ARB2A: variants seen among roughly 807,000 people sequenced by gnomAD.
ARB2A encodes cotranscriptional regulator ARB2A.
the ARB2A span, among the ~76,000 whole-genome samples, chr5:93,992,325 G>A: frequency 6.6e-6 from 1 of 151,986 alleles, no homozygotes; most frequent in Non-Finnish European, 1.5e-5. Flanking sequence ...GAGAGAAGTA[G>A]AAATACAATG....
the ARB2A span, among the ~76,000 whole-genome samples, chr5:93,760,040 C>T: frequency 6.6e-6 from 1 of 152,172 alleles, no homozygotes; most frequent in Non-Finnish European, 1.5e-5. Flanking sequence ...TGAAAGAATT[C>T]AGCAAAGTTT....
the ARB2A span, among the ~76,000 whole-genome samples, chr5:93,630,009 C>T: frequency 3.9e-5 from 6 of 152,170 alleles, no homozygotes; most frequent in South Asian, 4.1e-4. Flanking sequence ...AACTAATGAA[C>T]TTACGAGCTT....
chr5:93,618,317 T>C, the ARB2A span: 1 of 152,176 alleles, frequency 6.6e-6, no homozygotes, highest in South Asian at 2.1e-4. Flanking sequence ...TAATCTGGCC[T>C]TTAAGTTTCG....
chr5:93,701,007 A>T, the ARB2A span, among the ~76,000 whole-genome samples: 1 of 152,172 alleles, frequency 6.6e-6, no homozygotes, highest in Non-Finnish European at 1.5e-5. Flanking sequence ...CTGAAAAACA[A>T]GAGCAATGTA....
At chr5:93,739,526 T>A in the ARB2A span, 26 of 152,244 alleles carry the variant, frequency 1.7e-4, no homozygotes, top group Non-Finnish European at 3.1e-4. Context: ...ACTGATAGAA[T>A]TCTAGGACAA....
At chr5:94,045,164 C>A in the ARB2A span, among the ~76,000 whole-genome samples, 16 of 150,876 alleles carry the variant, frequency 1.1e-4, no homozygotes, top group African/African-American at 3.6e-4. Flanking sequence ...AGGAAGTTAC[C>A]CTATATGGTT....
chr5:94,043,771 T>C, the ARB2A span, among the ~76,000 whole-genome samples: 2 of 152,194 alleles, frequency 1.3e-5, no homozygotes, highest in Non-Finnish European at 1.5e-5. Context: ...TACAAATCCA[T>C]GGCTGGGCTC....
At chr5:94,086,242 C>G in the ARB2A span, among the ~76,000 whole-genome samples, 4 of 152,152 alleles carry the variant, frequency 2.6e-5, no homozygotes, top group Admixed American at 2.6e-4. Context: ...ACAATATGTT[C>G]TTTAAATAAG....
the ARB2A span, among the ~76,000 whole-genome samples, chr5:93,672,482 A>G: frequency 0.015 from 2,221 of 151,764 alleles, 26 homozygotes; most frequent in Non-Finnish European, 0.025. Context: ...GCTAATTTTT[A>G]TATTTTTAGT....
the ARB2A span, among the ~76,000 whole-genome samples, chr5:93,960,336 T>G: frequency 2.6e-5 from 4 of 152,122 alleles, no homozygotes; most frequent in Non-Finnish European, 5.9e-5. Flanking sequence ...TGACTACCAC[T>G]TTTAAAATTC....
the ARB2A span, chr5:93,781,933 T>C: frequency 2.0e-6 from 2 of 985,316 alleles, no homozygotes; most frequent in Non-Finnish European, 2.4e-6. Flanking sequence ...CTCTTCGTTA[T>C]TTCAAGGAGT....
At chr5:93,947,511 T>TTTATTA in the ARB2A span, among the ~76,000 whole-genome samples, 16 of 150,216 alleles carry the variant, frequency 1.1e-4, no homozygotes, top group African/African-American at 3.7e-4. Flanking sequence ...GTATCTTCTT[T>TTTATTA]TTATTATTAT....
the ARB2A span, among the ~76,000 whole-genome samples, chr5:94,012,193 G>A: frequency 2.0e-5 from 3 of 152,226 alleles, no homozygotes; most frequent in South Asian, 4.1e-4. Context: ...ACAAGGTCAG[G>A]AGATCAAGAC....
chr5:93,964,333 T>C, the ARB2A span: 1 of 646,190 alleles, frequency 1.5e-6, no homozygotes, highest in East Asian at 2.9e-5. Flanking sequence ...ATCAACACAA[T>C]AAACCCTAAC....
chr5:94,091,675 C>A, the ARB2A span, among the ~76,000 whole-genome samples: 147 of 152,244 alleles, frequency 9.7e-4, no homozygotes, highest in African/African-American at 3.4e-3. Flanking sequence ...GTGACTGGAA[C>A]TTCGTATTTT....
chr5:93,958,022 G>T, the ARB2A span, among the ~76,000 whole-genome samples: 1 of 151,580 alleles, frequency 6.6e-6, no homozygotes, highest in Non-Finnish European at 1.5e-5. Context: ...TGCAAAATTG[G>T]GCTGTTCACT....
the ARB2A span, among the ~76,000 whole-genome samples, chr5:93,936,353 AAG>A: frequency 6.6e-6 from 1 of 152,156 alleles, no homozygotes; most frequent in East Asian, 1.9e-4. Flanking sequence ...GCAGAACTTG[AAG>A]AGTTTTATGA....
chr5:94,013,236 T>G, the ARB2A span, among the ~76,000 whole-genome samples: 1 of 148,752 alleles, frequency 6.7e-6, no homozygotes, highest in Non-Finnish European at 1.5e-5. Context: ...TGGAATGCAG[T>G]GGCGCAATCT....
the ARB2A span, among the ~76,000 whole-genome samples, chr5:93,847,855 G>A: frequency 6.6e-6 from 1 of 152,128 alleles, no homozygotes; most frequent in Non-Finnish European, 1.5e-5. Context: ...AATTAAAAAT[G>A]CCTACTTTTA....
Sources: allele counts gnomAD v4.1 joint callset (sites outside exome capture counted in the v4.1 genomes callset), GRCh38; gene constraint gnomAD v4.1.1; transcripts MANE v1.5; gene names NCBI Gene and HGNC (gene_info 2026-07-23, HGNC 2026-07-21).